Variants in EIF4G3 observed in about 807,000 individuals in gnomAD.
EIF4G3 encodes eIF-4-gamma 3.
Under a neutral mutation model 186.4 loss-of-function variants are expected in EIF4G3, and 34 were observed. The ratio of observed to expected loss-of-function variants is 0.18; its 90% CI spans 0.14 to 0.24. The LOEUF is 0.24. Among genes scored for constraint, EIF4G3 ranks in the 10% least tolerant of loss-of-function variants. EIF4G3 has a pLI of 1.00. For missense variants in EIF4G3, 1,536 were observed against 1,948.5 expected (o/e 0.79, Z 3.99); for synonymous variants, 673 against 679.5 (o/e 0.99, Z 0.15).
chr1:20,820,869 C>T lies in EIF4G3; in HGVS notation c.4369-3331G>A, dbSNP rs991580423. On this transcript the variant is annotated intron_variant, in intron 33 of 36. Transcript: ENST00000602326. ...TCAGAGACCTGCAGAAATGTCCAAA[C>T]GACCTGCCTGTGGAGAGGAGCTATC... Among the ~76,000 whole-genome samples, 6 of 152,004 alleles carry T rather than the reference C, an allele frequency of 3.9e-5. No homozygotes were observed. In the East Asian group the frequency reaches 1.2e-3, roughly 29 times the overall value.
intron 3 of EIF4G3, among the ~76,000 whole-genome samples, chr1:21,081,601 A>C (rs1433467116): frequency 6.6e-6 from 1 of 151,908 alleles, no homozygotes; most frequent in Non-Finnish European, 1.5e-5. Context: ...AACTAGACTA[A>C]ATGTAACATG....
chr1:21,148,705 TA>T (rs765374275), intron 2 of EIF4G3, among the ~76,000 whole-genome samples: 369 of 108,960 alleles, frequency 3.4e-3, no homozygotes, highest in African/African-American at 8.9e-3. Flanking sequence ...CTGTCTCATT[TA>T]AAAAAAAAAA....
intron 4 of EIF4G3, among the ~76,000 whole-genome samples, chr1:21,013,483 C>T (rs1248605804): frequency 6.6e-6 from 1 of 152,096 alleles, no homozygotes; most frequent in Non-Finnish European, 1.5e-5. Context: ...AACTTGTTTG[C>T]ATCGTTCTGG....
intron 12 of EIF4G3, among the ~76,000 whole-genome samples, chr1:20,963,576 T>A (rs1474899869): frequency 6.6e-6 from 1 of 152,152 alleles, no homozygotes. Context: ...GTCATAACTG[T>A]GTTTCATTAC....
chr1:21,172,389 G>C (rs980704921), intron 2 of EIF4G3, among the ~76,000 whole-genome samples: 1 of 152,082 alleles, frequency 6.6e-6, no homozygotes, highest in African/African-American at 2.4e-5. Flanking sequence ...CTAACCAAAA[G>C]GACCAAGTTC....
chr1:21,022,535 C>T (rs1553148936), intron 4 of EIF4G3, among the ~76,000 whole-genome samples: 1 of 152,286 alleles, frequency 6.6e-6, no homozygotes, highest in Non-Finnish European at 1.5e-5. Context: ...TCTACCTCAC[C>T]ACAACATCAG....
At chr1:21,150,233 A>T (rs1031146948) in intron 2 of EIF4G3, among the ~76,000 whole-genome samples, 1 of 152,264 alleles carries the variant, frequency 6.6e-6, no homozygotes, top group Non-Finnish European at 1.5e-5. Flanking sequence ...CCCAGATGAA[A>T]GCCAGGACGG....
intron 7 of EIF4G3, among the ~76,000 whole-genome samples, chr1:20,995,518 CCCA>C (rs967495307): frequency 6.6e-6 from 1 of 151,912 alleles, no homozygotes; most frequent in African/African-American, 2.4e-5. Flanking sequence ...ATTACAGGTG[CCCA>C]CCACCACGCC....
At chr1:20,900,946 A>G (rs1460597507) in intron 15 of EIF4G3, among the ~76,000 whole-genome samples, 2 of 152,192 alleles carry the variant, frequency 1.3e-5, no homozygotes, top group Non-Finnish European at 2.9e-5. Flanking sequence ...GATAGTATTA[A>G]AACAGATATA....
Position 20,899,803 on chromosome 1 carries a change from C to G in EIF4G3, c.1893G>C (p.Glu631Asp). The change falls in exon 16 of 37, where the codon GAG becomes GAC. Residue 631 changes from glutamate to aspartate, a missense_variant. By Grantham distance (45) the Glu-to-Asp change is conservative (BLOSUM62 2). Coordinates refer to ENST00000602326, the MANE Select transcript of EIF4G3 (RefSeq NM_001391906.1). ...CACTCTCAGCACCATTACGTACTGG[C>G]TCAGCTTCTTCTCCATTTTCTTCCA... ...KAVEENGEEA[E>D]PVRNGAESVS... 6.2e-7 allele frequency: 1 copy of G among 1,614,138 alleles called. No individual in the cohort carries two copies. The highest frequency in any genetic ancestry group is 1.3e-5 in the African/African-American group (1 of 75,028).
intron 7 of EIF4G3, among the ~76,000 whole-genome samples, chr1:20,992,243 G>A (rs531658218): frequency 1.7e-4 from 26 of 152,124 alleles, no homozygotes; most frequent in Non-Finnish European, 3.7e-4. Context: ...TGCTTGAGAT[G>A]GCTTGCTATT....
intron 2 of EIF4G3, among the ~76,000 whole-genome samples, chr1:21,155,602 G>A (rs1031617987): frequency 1.3e-5 from 2 of 152,020 alleles, no homozygotes; most frequent in South Asian, 2.1e-4. Context: ...AGGCTAATGC[G>A]GGAGAATTGC....
intron 3 of EIF4G3, among the ~76,000 whole-genome samples, chr1:21,061,657 A>G (rs2094919256): frequency 6.6e-6 from 1 of 151,954 alleles, no homozygotes; most frequent in Non-Finnish European, 1.5e-5. Flanking sequence ...TTATTTCTGG[A>G]TCAATTTTGT....
intron 6 of EIF4G3, among the ~76,000 whole-genome samples, chr1:20,998,650 G>C (rs2082820532): frequency 6.6e-6 from 1 of 152,066 alleles, no homozygotes; most frequent in African/African-American, 2.4e-5. Context: ...TTAACTGAAA[G>C]GAACAGACAA....
chr1:21,144,778 T>C (rs1378483478), intron 2 of EIF4G3, among the ~76,000 whole-genome samples: 1 of 152,176 alleles, frequency 6.6e-6, no homozygotes, highest in African/African-American at 2.4e-5. Flanking sequence ...AAGGTGCATT[T>C]TACCAGGCCA....
At chr1:20,923,724 A>G (rs954739197) in intron 14 of EIF4G3, among the ~76,000 whole-genome samples, 10 of 151,880 alleles carry the variant, frequency 6.6e-5, no homozygotes, top group African/African-American at 2.2e-4. Context: ...TTTAACCTTA[A>G]TATGTGGGAG....
At chr1:20,856,047 A>G (rs1530946) in intron 25 of EIF4G3, among the ~76,000 whole-genome samples, 93,657 of 152,020 alleles carry the variant, frequency 0.62, 29,345 homozygotes, top group East Asian at 0.95. Context: ...ATAAACTTTT[A>G]GTTAAAACTG....
At chr1:21,038,971 C>T (rs983088084) in intron 4 of EIF4G3, among the ~76,000 whole-genome samples, 15 of 152,226 alleles carry the variant, frequency 9.9e-5, no homozygotes, top group Admixed American at 4.6e-4. Context: ...TATGGAATCT[C>T]AAGGGTCCCC....
intron 7 of EIF4G3, among the ~76,000 whole-genome samples, chr1:20,997,036 G>A (rs1486103107): frequency 6.6e-6 from 1 of 151,712 alleles, no homozygotes; most frequent in Non-Finnish European, 1.5e-5. Flanking sequence ...AAACCAATAG[G>A]ATAAAGTTAT....
Sources: allele counts gnomAD v4.1 joint callset (sites outside exome capture counted in the v4.1 genomes callset), GRCh38; gene constraint gnomAD v4.1.1; transcripts MANE v1.5; gene names NCBI Gene and HGNC (gene_info 2026-07-23, HGNC 2026-07-21).